Variants in CEP128 observed in about 807,000 individuals in gnomAD.
CEP128 encodes centrosomal protein 128.
A neutral mutation model predicts 156.7 loss-of-function variants in CEP128; 132 were observed. The observed-to-expected ratio is 0.84, with a 90% confidence interval of 0.73 to 0.97. The LOEUF is 0.97. Among genes scored for constraint, CEP128 ranks in the 50% least tolerant of loss-of-function variants. CEP128 has a pLI of 0.00. For missense variants in CEP128, 1,252 were observed against 1,281.9 expected (o/e 0.98, Z 0.36); for synonymous variants, 469 against 448.9 (o/e 1.04, Z -0.57).
intron 14 of CEP128, among the ~76,000 whole-genome samples, chr14:80,479,434 C>T (rs754043902): frequency 8.5e-5 from 13 of 152,222 alleles, no homozygotes; most frequent in South Asian, 2.1e-4. Context: ...GTGAAAGGCA[C>T]TTCTTACATG....
At chr14:80,611,771 T>G (rs1366905339) in intron 19 of CEP128, among the ~76,000 whole-genome samples, 1 of 152,108 alleles carries the variant, frequency 6.6e-6, no homozygotes, top group East Asian at 1.9e-4. Flanking sequence ...TCTTAAAAAC[T>G]TAGATAGGCC....
chr14:80,666,263 A>G (rs1226424927), intron 19 of CEP128, among the ~76,000 whole-genome samples: 1 of 152,236 alleles, frequency 6.6e-6, no homozygotes, highest in East Asian at 1.9e-4. Flanking sequence ...CTGGAAGAAG[A>G]AACAAAGATA....
At chr14:80,516,736 T>G (rs1051062240) in intron 23 of CEP128, among the ~76,000 whole-genome samples, 1 of 152,144 alleles carries the variant, frequency 6.6e-6, no homozygotes, top group Non-Finnish European at 1.5e-5. Flanking sequence ...TGAGTTCCCA[T>G]GCAAAGTTCC....
intron 19 of CEP128, among the ~76,000 whole-genome samples, chr14:80,684,183 C>T (rs1483675954): frequency 1.3e-5 from 2 of 151,806 alleles, no homozygotes; most frequent in African/African-American, 2.4e-5. Flanking sequence ...TACACAAGAT[C>T]GGTAGACCAC....
chr14:80,891,731 G>A (rs892101301), intron 8 of CEP128, among the ~76,000 whole-genome samples: 4 of 151,936 alleles, frequency 2.6e-5, no homozygotes, highest in African/African-American at 9.7e-5. Flanking sequence ...AAATGCTTGA[G>A]GTGATAGATA....
chr14:80,926,949 A>T (rs1476988506), intron 2 of CEP128, among the ~76,000 whole-genome samples: 1 of 151,992 alleles, frequency 6.6e-6, no homozygotes. Flanking sequence ...AATCTCACAG[A>T]GTCTATGTCA....
At chr14:80,897,130 T>A (rs1595561827) in intron 7 of CEP128, among the ~76,000 whole-genome samples, 5 of 152,184 alleles carry the variant, frequency 3.3e-5, no homozygotes, top group African/African-American at 1.2e-4. Context: ...CACAGTGGAA[T>A]AACAAAGAAT....
chr14:80,785,077 C>T lies in CEP128; in HGVS notation c.2029G>A (p.Glu677Lys). ...TGTGTGATGATTGTAGCTGTTTCTT[C>T]ATCCCTGGATTTTGCCTGTGCAGTG... ...DLTAQAKSRDEETATIITQLK... is the reference protein window; with the variant it reads ...DLTAQAKSRDKETATIITQLK... Residue 677 changes from glutamate (E) to lysine (K), a missense_variant, in exon 15 of 25, where the codon GAA (glutamate) becomes AAA (lysine). Transcript: ENST00000555265. 1.2e-6 allele frequency: 2 copies of T among 1,614,196 alleles called. No homozygotes were observed. Among genetic ancestry groups the T allele is most frequent in the Admixed American group, 3.3e-5 (2 of 60,022 alleles).
At chr14:80,555,222 C>G (rs1041525551) in intron 21 of CEP128, among the ~76,000 whole-genome samples, 1 of 152,110 alleles carries the variant, frequency 6.6e-6, no homozygotes, top group Non-Finnish European at 1.5e-5. Flanking sequence ...CAAAAACTTA[C>G]TAGGTATCTT....
At chr14:80,705,928 C>T (rs1897226683) in intron 19 of CEP128, among the ~76,000 whole-genome samples, 1 of 152,072 alleles carries the variant, frequency 6.6e-6, no homozygotes, top group South Asian at 2.1e-4. Flanking sequence ...TCCTTAAGTT[C>T]TGTGATAATT....
intron 19 of CEP128, among the ~76,000 whole-genome samples, chr14:80,661,152 T>C (rs1263619484): frequency 6.6e-6 from 1 of 152,148 alleles, no homozygotes; most frequent in East Asian, 1.9e-4. Context: ...GATTAAGCAA[T>C]GGAACTAGTA....
chr14:80,845,166 T>C (rs987537219), intron 9 of CEP128, among the ~76,000 whole-genome samples: 1 of 152,172 alleles, frequency 6.6e-6, no homozygotes, highest in African/African-American at 2.4e-5. Flanking sequence ...ATGTTATAAA[T>C]TTGCCAATCT....
chr14:80,582,796 G>A (rs1394640086), intron 19 of CEP128, among the ~76,000 whole-genome samples: 1 of 152,050 alleles, frequency 6.6e-6, no homozygotes, highest in Admixed American at 6.6e-5. Context: ...GATCACTCCT[G>A]TGTTCCTATG....
chr14:80,819,396 G>A (rs1244992026), intron 13 of CEP128, among the ~76,000 whole-genome samples: 1 of 151,876 alleles, frequency 6.6e-6, no homozygotes, highest in Non-Finnish European at 1.5e-5. Flanking sequence ...ACAGGTGCTT[G>A]CCACCACGCC....
chr14:80,676,960 C>A (rs1896088257), intron 19 of CEP128, among the ~76,000 whole-genome samples: 1 of 152,028 alleles, frequency 6.6e-6, no homozygotes, highest in Admixed American at 6.6e-5. Context: ...ATGCTCACTT[C>A]TTGTACTCCT....
intron 4 of CEP128, among the ~76,000 whole-genome samples, chr14:80,908,904 G>C (rs1884041787): frequency 6.6e-6 from 1 of 152,282 alleles, no homozygotes; most frequent in East Asian, 1.9e-4. Context: ...TCTATTTTCA[G>C]TTTATCACTT....
intron 19 of CEP128, among the ~76,000 whole-genome samples, chr14:80,628,602 C>T (rs1189388765): frequency 1.3e-5 from 2 of 152,186 alleles, no homozygotes; most frequent in African/African-American, 4.8e-5. Context: ...TTCTCCCTCT[C>T]TCGCAATATG....
At chr14:80,789,017 C>T (rs147181948) in intron 14 of CEP128, among the ~76,000 whole-genome samples, 2 of 152,126 alleles carry the variant, frequency 1.3e-5, no homozygotes, top group Non-Finnish European at 2.9e-5. Flanking sequence ...CAGGAGGTAA[C>T]CATGAATACT....
At chr14:80,603,541 T>C (rs1892661621) in intron 19 of CEP128, among the ~76,000 whole-genome samples, 1 of 152,208 alleles carries the variant, frequency 6.6e-6, no homozygotes, top group South Asian at 2.1e-4. Flanking sequence ...CCACTATTCC[T>C]TTTATAAATG....
Sources: gnomAD v4.1 joint callset for allele counts (sites outside exome capture counted in the v4.1 genomes callset) on GRCh38, gnomAD v4.1.1 for gene constraint, MANE v1.5 for transcripts, NCBI Gene and HGNC (gene_info 2026-07-23, HGNC 2026-07-21) for gene names.